Variants in PSME4 observed in about 807,000 individuals in gnomAD.
PSME4 encodes proteasome activator complex subunit 4.
A neutral mutation model predicts 253.9 loss-of-function variants in PSME4; 89 were observed. The observed-to-expected ratio is 0.35, with a 90% CI of 0.30 to 0.42. The LOEUF (loss-of-function observed/expected upper bound fraction) is 0.42, where lower values mean the gene tolerates loss of function less well. Ranked by LOEUF, PSME4 falls within the 10% of genes least tolerant of loss-of-function variation. The pLI is 1.00. For missense variants in PSME4, 2,014 were observed against 2,195.2 expected (o/e 0.92, Z 1.65); for synonymous variants, 851 against 759.2 (o/e 1.12, Z -1.99).
chr2:53,910,210 GTT>G, intron 20 of PSME4, 80 bp from the exon 21 acceptor site: 1 of 1,129,968 alleles, frequency 8.8e-7, no homozygotes, highest in African/African-American at 1.5e-5. Context: ...TTGCTGGACT[GTT>G]TAAACCAAAA....
chr2:53,942,417 T>C (rs1456811686), intron 3 of PSME4, among the ~76,000 whole-genome samples: 3 of 152,066 alleles, frequency 2.0e-5, no homozygotes, highest in African/African-American at 7.2e-5. Flanking sequence ...AAGCTTTGGA[T>C]GGGTTTTCTT....
At chr2:53,948,680 G>A in intron 2 of PSME4, 143 bp from the exon 3 acceptor site, 2 of 626,894 alleles carry the variant, frequency 3.2e-6, no homozygotes, top group Admixed American at 2.6e-5. Flanking sequence ...CTCACTAGCA[G>A]AACATAGTAT....
chr2:53,896,734 T>G, intron 32 of PSME4, 70 bp downstream of exon 32: 5 of 1,199,430 alleles, frequency 4.2e-6, no homozygotes, highest in Non-Finnish European at 6.2e-6. Flanking sequence ...AGAACTAGAA[T>G]TTATACATGT....
At position 53,930,131 on chromosome 2, in the gene PSME4, G is replaced by A. The variant is rs192826230; in HGVS notation, c.1316+1704C>T. Among the ~76,000 whole-genome samples the A allele has an allele frequency of 4.6e-5, 7 of 152,192 alleles. No homozygotes were observed. The East Asian group carries it at 1.2e-3, about 25-fold the overall frequency. ...AAGTCTCAAAAAATGTCATTGTATT[G>A]TCAATTTGGTCTATTAAATATTTAT... On this transcript the variant is annotated intron_variant, in intron 10 of 46. Transcript: ENST00000404125.
chr2:53,949,296 AAT>A lies in PSME4; in HGVS notation c.243-15_243-14del. 1 of 1,527,034 alleles carries A rather than the reference AAT, an allele frequency of 6.5e-7. No individual in the cohort carries two copies. The highest frequency in any genetic ancestry group is 9.0e-7 in the Non-Finnish European group (1 of 1,113,742). 94.6% of individuals were successfully genotyped at this position (1,527,034 alleles called of 1,614,324 possible). On this transcript the variant is annotated splice_polypyrimidine_tract_variant and intron_variant, in intron 1 of 46. Coordinates refer to ENST00000404125, the MANE Select transcript of PSME4 (RefSeq NM_014614.3). ...AAGTCGAATATATCTGCAAGAGAAA[AAT>A]AGATATACCCTTTAAAAATAGGTAT... is the stretch of plus-strand genomic sequence containing the variant.
chr2:53,915,198 T>C (rs773275115), intron 20 of PSME4, among the ~76,000 whole-genome samples: 14 of 152,140 alleles, frequency 9.2e-5, no homozygotes, highest in Non-Finnish European at 1.6e-4. Flanking sequence ...CCCAGCACTT[T>C]TGGATGTGGA....
chr2:53,866,979 A>G, intron 44 of PSME4, 99 bp from the exon 45 acceptor site: 1 of 1,180,710 alleles, frequency 8.5e-7, no homozygotes, highest in Non-Finnish European at 1.2e-6. Flanking sequence ...TGTTTTCAAT[A>G]TGTGAATTTC....
Position 53,869,368 on chromosome 2 carries a change from A to T in PSME4, c.5263+8T>A. On this transcript the variant is annotated splice_region_variant and intron_variant, in intron 44 of 46. Coordinates refer to ENST00000404125, the MANE Select transcript of PSME4 (RefSeq NM_014614.3). Reference sequence around the variant, plus strand: ...TAGGATACAGGTGTTTCCTACCAGCAATGTTACCTGCAGAAGGAATGGTAT... The same window carrying T: ...TAGGATACAGGTGTTTCCTACCAGCTATGTTACCTGCAGAAGGAATGGTAT... 1 of 1,595,892 alleles carries T rather than the reference A, an allele frequency of 6.3e-7. No homozygotes were observed. The highest frequency in any genetic ancestry group is 8.6e-7 in the Non-Finnish European group (1 of 1,166,178).
chr2:53,925,926 T>G (rs1259377025), intron 13 of PSME4, 33 bp downstream of exon 13: 4 of 1,577,502 alleles, frequency 2.5e-6, no homozygotes, highest in East Asian at 4.5e-5. Flanking sequence ...TTCTAGAATT[T>G]CAGCTAAACG....
intron 3 of PSME4, among the ~76,000 whole-genome samples, chr2:53,940,524 T>G (rs1214102283): frequency 6.6e-6 from 1 of 152,132 alleles, no homozygotes; most frequent in Non-Finnish European, 1.5e-5. Flanking sequence ...CTTATAAAGT[T>G]AGTCGAGTAA....
At chr2:53,910,659 GCTACCCTGAGC>G (rs1208265841) in intron 20 of PSME4, among the ~76,000 whole-genome samples, 3 of 152,110 alleles carry the variant, frequency 2.0e-5, no homozygotes, top group Non-Finnish European at 4.4e-5. Flanking sequence ...ACAACCAGAG[GCTACCCTGAGC>G]CTATAAGCGG....
intron 41 of PSME4, among the ~76,000 whole-genome samples, chr2:53,880,626 A>G (rs1454185838): frequency 6.6e-6 from 1 of 152,248 alleles, no homozygotes; most frequent in African/African-American, 2.4e-5. Flanking sequence ...AAAGATGGAC[A>G]TGATATACTG....
chr2:53,868,564 A>T (rs28424202), intron 44 of PSME4, among the ~76,000 whole-genome samples: 11 of 124,194 alleles, frequency 8.9e-5, no homozygotes, highest in African/African-American at 2.2e-4. Context: ...TAATATATAT[A>T]ATATATATTA....
chr2:53,873,305 T>C (rs1678981094), intron 43 of PSME4, among the ~76,000 whole-genome samples: 1 of 149,636 alleles, frequency 6.7e-6, no homozygotes, highest in Admixed American at 6.6e-5. Context: ...CTAGAAAATA[T>C]CCACTCTCAG....
At chr2:53,893,352 A>C (rs796705681) in intron 35 of PSME4, among the ~76,000 whole-genome samples, 5 of 152,308 alleles carry the variant, frequency 3.3e-5, no homozygotes, top group African/African-American at 1.2e-4. Context: ...CAAAATGTTC[A>C]AGTCCATGAC....
chr2:53,965,274 A>G (rs549129744), intron 1 of PSME4, among the ~76,000 whole-genome samples: 1 of 149,810 alleles, frequency 6.7e-6, no homozygotes, highest in African/African-American at 2.5e-5. Context: ...GTAAGACAAG[A>G]GTCTCCCTCT....
rs776982342 is a variant in PSME4, at chr2:53,934,699, T to C, written c.863A>G (p.Asn288Ser). 2 of 1,598,036 alleles carry C rather than the reference T, an allele frequency of 1.3e-6. No individual in the cohort carries two copies. Among genetic ancestry groups the C allele is most frequent in the South Asian group, 2.2e-5 (2 of 90,234 alleles). Residue 288 changes from asparagine (N) to serine (S), a missense_variant, in exon 8 of 47, where the codon AAC becomes AGC. Asn to Ser is a conservative substitution (Grantham distance 46, BLOSUM62 1). Coordinates refer to ENST00000404125, the MANE Select transcript of PSME4 (RefSeq NM_014614.3). ...CACTTGACTGCTTCCCACTGGGAGG[T>C]TCAAGCTTCTCAGAATTCTTGTAAA... ...KIFTRILRSL[N>S]LPVGSSQVLV...
chr2:53,964,703 C>T (rs1165071574), intron 1 of PSME4, among the ~76,000 whole-genome samples: 1 of 152,186 alleles, frequency 6.6e-6, no homozygotes, highest in East Asian at 1.9e-4. Context: ...TCCTTTCTTT[C>T]CCAACACGGG....
At chr2:53,906,727 T>C in intron 25 of PSME4, 34 bp from the exon 26 acceptor site, 1 of 1,594,354 alleles carries the variant, frequency 6.3e-7, no homozygotes. Context: ...TACTAAAATT[T>C]GATTATGAAA....
Sources: gnomAD v4.1 joint callset for allele counts (sites outside exome capture counted in the v4.1 genomes callset) on GRCh38, gnomAD v4.1.1 for gene constraint, MANE v1.5 for transcripts, NCBI Gene and HGNC (gene_info 2026-07-23, HGNC 2026-07-21) for gene names.